The following RAPGEF6 variants were observed in gnomAD, a reference collection of about 807,000 sequenced individuals.
The protein encoded by RAPGEF6 is Rap guanine nucleotide exchange factor 6, also known as PDZ domain containing guanine nucleotide exchange factor (GEF) 2.
A neutral mutation model predicts 171.4 loss-of-function variants in RAPGEF6; 56 were observed. That is an observed-to-expected ratio of 0.33 (90% CI 0.26 to 0.41). The LOEUF is 0.41. Ranked by LOEUF, RAPGEF6 falls within the 10% of genes least tolerant of loss-of-function variation. RAPGEF6 has a pLI of 1.00. For synonymous variants in RAPGEF6, 692 were observed against 650.1 expected, an observed-to-expected ratio of 1.06 and a Z score of -0.98; for missense variants, 1,674 against 1,921.4, an observed-to-expected ratio of 0.87 and a Z score of 2.41.
Position 131,429,212 on chromosome 5 carries a change from G to C in RAPGEF6, c.4470C>G (p.Tyr1490Ter). 5 of 1,572,498 alleles carry C rather than the reference G, an allele frequency of 3.2e-6. No individual in the cohort carries two copies. Among genetic ancestry groups the C allele is most frequent in the Non-Finnish European group, 4.3e-6 (5 of 1,156,474 alleles). Reference sequence around the variant, plus strand: ...CGTCCTTCTTGGGTGAGGTGACACAGTACACTGGCATGAAAAATAAGCAAT... The same window carrying C: ...CGTCCTTCTTGGGTGAGGTGACACACTACACTGGCATGAAAAATAAGCAAT... The part of the protein sequence containing the change: ...TSSTEKGLIV[Y>*]CVTSPKKDDR... Residue 1490 changes from tyrosine to a stop codon, truncating the protein, a stop_gained, in exon 27 of 28, where the codon TAC becomes TAG. Transcript: ENST00000509018. LOFTEE classifies it high-confidence loss of function.
intron 6 of RAPGEF6, among the ~76,000 whole-genome samples, chr5:131,537,144 G>T (rs753395835): frequency 6.6e-6 from 1 of 152,110 alleles, no homozygotes; most frequent in Non-Finnish European, 1.5e-5. Context: ...TAGACCACTG[G>T]TATACATTAG....
intron 5 of RAPGEF6, among the ~76,000 whole-genome samples, chr5:131,558,836 G>A (rs1761410014): frequency 6.6e-6 from 1 of 151,906 alleles, no homozygotes; most frequent in Non-Finnish European, 1.5e-5. Flanking sequence ...GAAATTTTGA[G>A]ACTTGCTTTA....
chr5:131,582,687 T>G (rs1325484261), intron 4 of RAPGEF6, among the ~76,000 whole-genome samples: 1 of 152,192 alleles, frequency 6.6e-6, no homozygotes, highest in Non-Finnish European at 1.5e-5. Context: ...ATTTGCAAAT[T>G]ATATCCCTGT....
At chr5:131,434,855 G>T (rs1305006108) in intron 24 of RAPGEF6, among the ~76,000 whole-genome samples, 1 of 152,080 alleles carries the variant, frequency 6.6e-6, no homozygotes, top group Non-Finnish European at 1.5e-5. Flanking sequence ...AGAAATAAAA[G>T]AAAAAGAAAA....
chr5:131,538,435 T>C (rs1263482106), intron 6 of RAPGEF6, among the ~76,000 whole-genome samples: 1 of 152,258 alleles, frequency 6.6e-6, no homozygotes, highest in East Asian at 1.9e-4. Context: ...TGTAACACAA[T>C]GGTAAGTATT....
At chr5:131,472,363 G>A (rs867032763) in intron 17 of RAPGEF6, 122 of 589,060 alleles carry the variant, frequency 2.1e-4, no homozygotes, top group Non-Finnish European at 3.2e-4. Flanking sequence ...GAGCCACTGC[G>A]CCTGGCCAGA....
At position 131,433,529 on chromosome 5, in the gene RAPGEF6, C is replaced by T. The variant is rs544441042; in HGVS notation, c.3875G>A (p.Arg1292Gln). The T allele has an allele frequency of 3.2e-5, 51 of 1,613,630 alleles. No homozygotes were observed. The highest frequency in any genetic ancestry group is 2.3e-4 in the South Asian group (21 of 91,070). The change falls in exon 25 of 28, where the codon CGG becomes CAG. Residue 1292 changes from arginine to glutamine, a missense_variant. Around this residue, in one of 3 missense-constraint regions of RAPGEF6, gnomAD observed 552 missense variants for 574.2 expected, o/e 0.96. Coordinates refer to ENST00000509018, the MANE Select transcript of RAPGEF6 (RefSeq NM_016340.6). Reference sequence around the variant, plus strand: ...GACTGCCAGGGCCTGAGAGGAACACCGTTCATCCTGTAGAGCTGCAGACAT... The same window carrying T: ...GACTGCCAGGGCCTGAGAGGAACACTGTTCATCCTGTAGAGCTGCAGACAT... ...DSMSAALQDERCSSQALAVPE... is the reference protein window; with the variant it reads ...DSMSAALQDEQCSSQALAVPE...
chr5:131,564,323 A>G (rs1198390852), intron 4 of RAPGEF6, among the ~76,000 whole-genome samples: 6 of 152,194 alleles, frequency 3.9e-5, no homozygotes, highest in Non-Finnish European at 8.8e-5. Context: ...TGAGTCTTTG[A>G]GTGAGTACTG....
intron 4 of RAPGEF6, among the ~76,000 whole-genome samples, chr5:131,566,438 T>A (rs570788426): frequency 6.6e-6 from 1 of 152,188 alleles, no homozygotes; most frequent in Non-Finnish European, 1.5e-5. Context: ...CCCAACTTGA[T>A]CATGGTATAA....
chr5:131,430,369 T>C (rs1364649861), intron 26 of RAPGEF6, among the ~76,000 whole-genome samples: 1 of 151,460 alleles, frequency 6.6e-6, no homozygotes, highest in Non-Finnish European at 1.5e-5. Context: ...CAAACAGGAG[T>C]TGGCACACTC....
At chr5:131,427,316 A>G in intron 27 of RAPGEF6, 25 bp from the exon 28 acceptor site, 1 of 1,573,810 alleles carries the variant, frequency 6.4e-7, no homozygotes, top group Non-Finnish European at 8.7e-7. Context: ...TATATAATTA[A>G]CTGGCAGATC....
chr5:131,616,764 G>A (rs982062290), intron 1 of RAPGEF6, among the ~76,000 whole-genome samples: 5 of 151,630 alleles, frequency 3.3e-5, no homozygotes, highest in African/African-American at 9.7e-5. Context: ...TCTCGAGTGT[G>A]CCACCACCCC....
At chr5:131,542,726 A>C (rs2149941445) in intron 6 of RAPGEF6, among the ~76,000 whole-genome samples, 1 of 152,288 alleles carries the variant, frequency 6.6e-6, no homozygotes, top group East Asian at 1.9e-4. Flanking sequence ...CATGATGTGA[A>C]AGTAGGTCTT....
chr5:131,442,544 G>T lies in RAPGEF6; in HGVS notation c.3422-7C>A, dbSNP rs1305984493. 5 of 1,613,034 alleles carry T rather than the reference G, an allele frequency of 3.1e-6. No homozygotes were observed. The highest frequency in any genetic ancestry group is 1.3e-5 in the African/African-American group (1 of 74,876). On this transcript the variant is annotated splice_polypyrimidine_tract_variant and splice_region_variant and intron_variant, in intron 22 of 27. Transcript: ENST00000509018. ...TCACTTAAATTCTTGGTCACTAACAGGAGAGAGTAAGAAATAAGTAACTGC... is the reference window on the plus strand; with the variant it reads ...TCACTTAAATTCTTGGTCACTAACATGAGAGAGTAAGAAATAAGTAACTGC...
intron 11 of RAPGEF6, among the ~76,000 whole-genome samples, chr5:131,503,708 G>A (rs1161789177): frequency 6.6e-6 from 1 of 152,162 alleles, no homozygotes; most frequent in African/African-American, 2.4e-5. Context: ...TAATTGTTCA[G>A]TTTATATCCA....
At chr5:131,606,006 G>A (rs1246161992) in intron 1 of RAPGEF6, among the ~76,000 whole-genome samples, 1 of 142,452 alleles carries the variant, frequency 7.0e-6, no homozygotes, top group Non-Finnish European at 1.5e-5. Context: ...CTCTAGCCTG[G>A]GTGACAGAGT....
chr5:131,577,902 T>C (rs1223787268), intron 4 of RAPGEF6, among the ~76,000 whole-genome samples: 7 of 152,200 alleles, frequency 4.6e-5, no homozygotes, highest in African/African-American at 1.7e-4. Flanking sequence ...CTTACCCTAC[T>C]TTTTGCAACA....
chr5:131,518,793 TA>T (rs1758275315), intron 7 of RAPGEF6, among the ~76,000 whole-genome samples: 1 of 152,162 alleles, frequency 6.6e-6, no homozygotes, highest in Non-Finnish European at 1.5e-5. Context: ...GTTTCTTCTT[TA>T]AATTTCTTCA....
intron 7 of RAPGEF6, among the ~76,000 whole-genome samples, chr5:131,517,819 AC>A (rs1758199543): frequency 2.2e-5 from 3 of 136,028 alleles, no homozygotes; most frequent in Admixed American, 7.6e-5. Context: ...ACACACACAC[AC>A]ACAAAATTTA....
Sources: gnomAD v4.1 joint callset for allele counts (sites outside exome capture counted in the v4.1 genomes callset) on GRCh38, gnomAD v4.1.1 for gene constraint, gnomAD v4.1.1 regional missense constraint, MANE v1.5 for transcripts, NCBI Gene and HGNC (gene_info 2026-07-23, HGNC 2026-07-21) for gene names.